The following SPP2 variants were observed in gnomAD, a reference collection of about 807,000 sequenced individuals.
SPP2 encodes secreted phosphoprotein 24.
Under a neutral mutation model 28.8 loss-of-function variants are expected in SPP2, and 34 were observed. That is an observed-to-expected ratio of 1.18 (90% CI 0.90 to 1.57). The LOEUF (loss-of-function observed/expected upper bound fraction) is 1.57, where lower values mean the gene tolerates loss of function less well. Ranked by LOEUF, SPP2 falls within the 40% of genes most tolerant of loss-of-function variation. SPP2 has a pLI of 0.00. For synonymous variants in SPP2, 96 were observed against 89.4 expected (o/e 1.07, Z -0.42); for missense variants, 269 against 263.9 (o/e 1.02, Z -0.13).
chr2:234,069,541 G>A (rs572379479), intron 6 of SPP2, among the ~76,000 whole-genome samples: 45 of 152,238 alleles, frequency 3.0e-4, no homozygotes, highest in Middle Eastern at 3.4e-3. Flanking sequence ...ACAGAAGTGC[G>A]GCTGTCTTGG....
chr2:234,074,420 C>G (rs947108519), intron 7 of SPP2, among the ~76,000 whole-genome samples: 1 of 152,176 alleles, frequency 6.6e-6, no homozygotes, highest in Non-Finnish European at 1.5e-5. Context: ...AGGTGTCAGA[C>G]TCATTCGTGA....
At chr2:234,065,287 T>G (rs1351615033) in intron 4 of SPP2, among the ~76,000 whole-genome samples, 1 of 152,058 alleles carries the variant, frequency 6.6e-6, no homozygotes. Context: ...TTGTAGTTTT[T>G]TTTGTTGTTG....
Position 234,055,142 on chromosome 2 carries a change from T to TGA in SPP2, c.211-3685_211-3684dup, listed in dbSNP as rs5839501. Among the ~76,000 whole-genome samples the TGA allele has an allele frequency of 9.0e-3, 1,370 of 151,910 alleles. 20 individuals carry two copies. The highest frequency in any genetic ancestry group is 0.032 in the African/African-American group (1,325 of 41,420). The stretch of plus-strand genomic sequence containing the variant: ...ATATAAATGGATGCATATGAATATA[T>TGA]GAGAGAGAGACATTGAGAGAGACAG... On this transcript the variant is annotated intron_variant, in intron 2 of 7. Transcript: ENST00000168148.
intron 2 of SPP2, among the ~76,000 whole-genome samples, chr2:234,054,488 C>G (rs570235473): frequency 2.6e-5 from 4 of 152,268 alleles, no homozygotes; most frequent in Admixed American, 2.6e-4. Flanking sequence ...AGGCTGAGAT[C>G]TGGGATGAGG....
chr2:234,053,313 A>G (rs1693537378), intron 2 of SPP2, among the ~76,000 whole-genome samples: 1 of 152,176 alleles, frequency 6.6e-6, no homozygotes, highest in Non-Finnish European at 1.5e-5. Context: ...TCAATTGCAT[A>G]GTTTCACTTC....
At chr2:234,067,494 G>A (rs1693845631) in intron 6 of SPP2, among the ~76,000 whole-genome samples, 1 of 152,092 alleles carries the variant, frequency 6.6e-6, no homozygotes, top group South Asian at 2.1e-4. Context: ...AAGTTACCAA[G>A]AGGCCGGGCG....
At chr2:234,055,207 C>T (rs1444631388) in intron 2 of SPP2, among the ~76,000 whole-genome samples, 2 of 152,196 alleles carry the variant, frequency 1.3e-5, no homozygotes, top group South Asian at 2.1e-4. Flanking sequence ...ATTTCAAAGG[C>T]TGGCAAGTCC....
intron 6 of SPP2, among the ~76,000 whole-genome samples, chr2:234,067,777 C>CAAAAAAAAA (rs56184185): frequency 1.6e-5 from 1 of 63,486 alleles, no homozygotes. Flanking sequence ...GACTCCGTCT[C>CAAAAAAAAA]AAAAAAAAAA....
chr2:234,069,881 A>G (rs753997813), intron 6 of SPP2, 47 bp from the exon 7 acceptor site: 2 of 1,445,476 alleles, frequency 1.4e-6, no homozygotes, highest in East Asian at 4.6e-5. Flanking sequence ...ACTGTCTCAG[A>G]TCTTGATGTG....
At chr2:234,060,774 C>T (rs895630106) in intron 4 of SPP2, among the ~76,000 whole-genome samples, 7 of 151,882 alleles carry the variant, frequency 4.6e-5, no homozygotes, top group African/African-American at 1.7e-4. Context: ...CACACACGCA[C>T]ACATACACAC....
intron 6 of SPP2, among the ~76,000 whole-genome samples, chr2:234,068,748 C>T (rs1341201772): frequency 6.7e-6 from 1 of 149,230 alleles, no homozygotes; most frequent in Non-Finnish European, 1.5e-5. Flanking sequence ...CAAACATTTG[C>T]CCTTGGATTT....
rs1023863511 is a variant in SPP2 at position 234,064,934 on chromosome 2, A to G, written c.445-1599A>G. On this transcript the variant is annotated intron_variant, in intron 4 of 7. Transcript: ENST00000168148. ...CGTTTTACAGAGCCACATTTGATTG[A>G]TCCATTCATTCATTGATCGACATTT... Among the ~76,000 whole-genome samples the G allele has an allele frequency of 3.3e-5, 5 of 152,204 alleles. No individual in the cohort carries two copies. The South Asian group carries it at 1.0e-3, about 31-fold the overall frequency.
chr2:234,067,372 G>C (rs1036747209), intron 6 of SPP2, 98 bp downstream of exon 6: 12 of 1,073,016 alleles, frequency 1.1e-5, no homozygotes, highest in Non-Finnish European at 1.7e-5. Flanking sequence ...TTTCATAGGA[G>C]TTAAATCTCT....
chr2:234,067,604 C>T (rs1189878947), intron 6 of SPP2, among the ~76,000 whole-genome samples: 13 of 151,654 alleles, frequency 8.6e-5, no homozygotes, highest in African/African-American at 3.1e-4. Context: ...GGTGAAACCC[C>T]GTCTCTACTA....
intron 2 of SPP2, chr2:234,055,926 T>A (rs924099630): frequency 6.6e-6 from 1 of 152,116 alleles, no homozygotes; most frequent in Non-Finnish European, 1.5e-5. Context: ...ATACTTTAAG[T>A]TTTAGGGTAC....
intron 2 of SPP2, among the ~76,000 whole-genome samples, chr2:234,053,387 T>C (rs1402882664): frequency 6.6e-6 from 1 of 152,104 alleles, no homozygotes; most frequent in Admixed American, 6.5e-5. Context: ...AGTTCAATGG[T>C]TGTAGGGAGA....
In SPP2 at chr2:234,058,899, T is replaced by A; in HGVS notation, c.274T>A (p.Cys92Ser). 1 of 1,614,102 alleles carries A rather than the reference T, an allele frequency of 6.2e-7. No individual in the cohort carries two copies. The highest frequency in any genetic ancestry group is 8.5e-7 in the Non-Finnish European group (1 of 1,179,982). Reference protein sequence around the residue: ...NLEFSIRETTCRKDSGEDPAT... With the variant: ...NLEFSIRETTSRKDSGEDPAT... ...AGAGTTCAGCATCCGGGAGACTACA[T>A]GCAGGAAGGATTCTGGAGAAGATCC... Residue 92 changes from cysteine to serine, a missense_variant, in exon 3 of 8, where the codon TGC becomes AGC. Transcript: ENST00000168148.
intron 7 of SPP2, among the ~76,000 whole-genome samples, chr2:234,075,342 C>T (rs1690874909): frequency 6.6e-6 from 1 of 152,182 alleles, no homozygotes; most frequent in Admixed American, 6.5e-5. Flanking sequence ...GATCTCTTCT[C>T]ATCCTGTCTT....
chr2:234,068,891 T>G (rs1693878856), intron 6 of SPP2, among the ~76,000 whole-genome samples: 1 of 152,144 alleles, frequency 6.6e-6, no homozygotes, highest in Non-Finnish European at 1.5e-5. Context: ...ACCACACACA[T>G]TTATTATCTC....
Sources: allele counts gnomAD v4.1 joint callset (sites outside exome capture counted in the v4.1 genomes callset), GRCh38; gene constraint gnomAD v4.1.1; transcripts MANE v1.5; gene names NCBI Gene and HGNC (gene_info 2026-07-23, HGNC 2026-07-21).